The following SEPTIN10 variants were observed in gnomAD, a reference collection of about 807,000 sequenced individuals.
SEPTIN10 encodes septin 10.
In SEPTIN10, 66 loss-of-function variants were observed where a neutral mutation model predicts 54.8. The ratio of observed to expected loss-of-function variants is 1.21; its 90% CI spans 0.99 to 1.48. The LOEUF is 1.48. Ranked by LOEUF, SEPTIN10 falls within the 40% of genes most tolerant of loss-of-function variation. The probability of loss-of-function intolerance (pLI) is 0.00; values close to 1 mark genes in which losing one functional copy is unlikely to be tolerated. For synonymous variants in SEPTIN10, 161 were observed against 181.0 expected (o/e 0.89, Z 0.89); for missense variants, 620 against 545.6 (o/e 1.14, Z -1.36).
In SEPTIN10 at chr2:109,553,026, C is replaced by A. The variant is rs1452580034; in HGVS notation, c.1161+61G>T. ...TCTCAAGCAAATTCTTGGAATAAAT[C>A]CTCCAAATTAATAGGACATCTAAAA... On this transcript the variant is annotated intron_variant, in intron 9 of 10. Coordinates refer to ENST00000397712, the MANE Select transcript of SEPTIN10 (RefSeq NM_144710.5). 42 of 1,565,684 alleles carry A rather than the reference C, an allele frequency of 2.7e-5. No homozygotes were observed. In the East Asian group the frequency reaches 8.6e-4, roughly 32 times the overall value.
Position 109,574,735 on chromosome 2 carries a change from T to C in SEPTIN10, c.446A>G (p.Gln149Arg). The change falls in exon 5 of 11, where the codon CAG becomes CGG. Residue 149 changes from glutamine (Q) to arginine (R), a missense_variant. By Grantham distance (43) the Gln-to-Arg change is conservative. Transcript: ENST00000397712. Reference protein sequence around the residue: ...YQPIVDYIDAQFEAYLQEELK... With the variant: ...YQPIVDYIDARFEAYLQEELK... ...TTCTTCTTGGAGATAGGCCTCAAAC[T>C]GAGCATCTATGTAGTCAACTATTGG... 6.3e-7 allele frequency: 1 copy of C among 1,598,742 alleles called. No homozygotes were observed. Among genetic ancestry groups the C allele is most frequent in the Non-Finnish European group, 8.5e-7 (1 of 1,173,436 alleles).
At position 109,609,065 on chromosome 2, in the gene SEPTIN10, T is replaced by C. The variant is rs563981461; in HGVS notation, c.30+4733A>G. Among the ~76,000 whole-genome samples, 3 of 152,288 alleles carry C rather than the reference T, an allele frequency of 2.0e-5. No individual in the cohort carries two copies. In the South Asian group the frequency reaches 6.2e-4, roughly 32 times the overall value. On this transcript the variant is annotated intron_variant, in intron 1 of 10. Coordinates refer to ENST00000397712, the MANE Select transcript of SEPTIN10 (RefSeq NM_144710.5). ...AAAATATATCAATCAATCAATCAATTAATCCAAACATAACCTGGCACTATG... is the reference window on the plus strand; with the variant it reads ...AAAATATATCAATCAATCAATCAATCAATCCAAACATAACCTGGCACTATG...
At chr2:109,558,294 C>T (rs1684848765) in intron 8 of SEPTIN10, among the ~76,000 whole-genome samples, 1 of 152,124 alleles carries the variant, frequency 6.6e-6, no homozygotes, top group African/African-American at 2.4e-5. Flanking sequence ...TATAGACTAC[C>T]TGAAGAACTA....
At chr2:109,589,586 C>T (rs1693461938) in intron 2 of SEPTIN10, among the ~76,000 whole-genome samples, 3 of 151,842 alleles carry the variant, frequency 2.0e-5, no homozygotes, top group Admixed American at 2.0e-4. Flanking sequence ...TCCAATAAAA[C>T]AGCTAAAATT....
chr2:109,546,203 T>C lies in SEPTIN10; in HGVS notation c.1196A>G (p.His399Arg), dbSNP rs1307288737. 1 of 1,602,682 alleles carries C rather than the reference T, an allele frequency of 6.2e-7. No individual in the cohort carries two copies. Among genetic ancestry groups the C allele is most frequent in the South Asian group, 1.1e-5 (1 of 89,308 alleles). The change falls in exon 10 of 11, where the codon CAC (histidine) becomes CGC (arginine). Residue 399 changes from histidine to arginine, a missense_variant. His to Arg is a conservative substitution (Grantham distance 29, BLOSUM62 0). Transcript: ENST00000397712. The stretch of plus-strand genomic sequence containing the variant: ...TTCAAGCTTCATTCTCTCTTCTTGG[T>C]GAAGTCTCTTAAGGTGCTCAAATTT... Reference protein sequence around the residue: ...QAKFEHLKRLHQEERMKLEEK... With the variant: ...QAKFEHLKRLRQEERMKLEEK...
intron 1 of SEPTIN10, among the ~76,000 whole-genome samples, chr2:109,595,587 G>A (rs1695139959): frequency 6.6e-6 from 1 of 152,102 alleles, no homozygotes; most frequent in South Asian, 2.1e-4. Context: ...AGGAGTCAAA[G>A]AAGAAAATGA....
chr2:109,574,443 TAAAAAAAA>T (rs55980206), intron 5 of SEPTIN10, 130 bp downstream of exon 5: 3 of 271,402 alleles, frequency 1.1e-5, no homozygotes, highest in East Asian at 6.4e-5. Context: ...ACTTTATCTC[TAAAAAAAA>T]AAAAAAAAAA....
At chr2:109,592,443 C>T (rs1181332576) in intron 2 of SEPTIN10, among the ~76,000 whole-genome samples, 3 of 151,008 alleles carry the variant, frequency 2.0e-5, no homozygotes, top group Admixed American at 6.6e-5. Context: ...CCAGCCTGGG[C>T]GACAGAGCAA....
At chr2:109,550,126 A>G (rs1682511966) in intron 9 of SEPTIN10, among the ~76,000 whole-genome samples, 1 of 151,708 alleles carries the variant, frequency 6.6e-6, no homozygotes, top group African/African-American at 2.4e-5. Flanking sequence ...CCCCATCTCT[A>G]CTAAAAATAC....
chr2:109,570,897 CAT>C (rs1322873450), intron 5 of SEPTIN10, among the ~76,000 whole-genome samples: 3 of 152,122 alleles, frequency 2.0e-5, no homozygotes, highest in Non-Finnish European at 4.4e-5. Flanking sequence ...TATATACAGT[CAT>C]GTGTGGCTTA....
chr2:109,567,159 A>G (rs1272572287), intron 6 of SEPTIN10, among the ~76,000 whole-genome samples: 1 of 152,166 alleles, frequency 6.6e-6, no homozygotes, highest in African/African-American at 2.4e-5. Flanking sequence ...TATCCCTCAC[A>G]ACAACCCTTA....
chr2:109,569,739 C>T lies in SEPTIN10; in HGVS notation c.601-1763G>A, dbSNP rs539100766. 2.6e-5 allele frequency among the ~76,000 whole-genome samples: 4 copies of T among 152,140 alleles called. No homozygotes were observed. The South Asian group carries it at 8.3e-4, about 32-fold the overall frequency. ...CAAGTTAATAACTTATAATTGCTTG[C>T]ACAATAAACTGCAGTAGACTGAATA... is the stretch of plus-strand genomic sequence containing the variant. On this transcript the variant is annotated intron_variant, in intron 5 of 10. Coordinates refer to ENST00000397712, the MANE Select transcript of SEPTIN10 (RefSeq NM_144710.5).
chr2:109,562,754 G>C (rs983966088), intron 8 of SEPTIN10, among the ~76,000 whole-genome samples: 3 of 152,104 alleles, frequency 2.0e-5, no homozygotes, highest in Non-Finnish European at 2.9e-5. Context: ...TGAGAAGTGA[G>C]TCTCCTCTGA....
chr2:109,598,728 A>G (rs1695882458), intron 1 of SEPTIN10, among the ~76,000 whole-genome samples: 1 of 151,766 alleles, frequency 6.6e-6, no homozygotes, highest in Non-Finnish European at 1.5e-5. Context: ...CTGTAATCCC[A>G]GCTACTCAGG....
In SEPTIN10 at chr2:109,559,372, G is replaced by A. The variant is rs546472430; in HGVS notation, c.1028+4994C>T. ...GGTCTACTCTCTTAGGAAGACAATA[G>A]TGAGCCACTGCTCCCACTCACTCTG... On this transcript the variant is annotated intron_variant, in intron 8 of 10. Coordinates refer to ENST00000397712, the MANE Select transcript of SEPTIN10 (RefSeq NM_144710.5). Among the ~76,000 whole-genome samples, 9 of 152,274 alleles carry A rather than the reference G, an allele frequency of 5.9e-5. No homozygotes were observed. In the East Asian group the frequency reaches 1.7e-3, roughly 29 times the overall value.
At chr2:109,557,545 C>T (rs1477142104) in intron 8 of SEPTIN10, among the ~76,000 whole-genome samples, 2 of 152,182 alleles carry the variant, frequency 1.3e-5, no homozygotes, top group African/African-American at 4.8e-5. Context: ...AATCAGATTG[C>T]CCCAATGTGG....
intron 8 of SEPTIN10, among the ~76,000 whole-genome samples, chr2:109,557,825 T>C (rs1020548598): frequency 1.3e-5 from 2 of 151,646 alleles, no homozygotes; most frequent in Admixed American, 1.3e-4. Flanking sequence ...TTTTCTAGCA[T>C]AAAAGTAGCT....
intron 4 of SEPTIN10, among the ~76,000 whole-genome samples, chr2:109,584,819 C>T (rs887952171): frequency 6.6e-6 from 1 of 151,916 alleles, no homozygotes; most frequent in Non-Finnish European, 1.5e-5. Context: ...ATAAGCCCTG[C>T]CTGAAAATTA....
intron 2 of SEPTIN10, among the ~76,000 whole-genome samples, chr2:109,589,220 G>A (rs983352399): frequency 7.2e-5 from 11 of 152,016 alleles, no homozygotes; most frequent in East Asian, 3.9e-4. Flanking sequence ...TTGGCACACC[G>A]CAACCTCCAC....
Sources: gnomAD v4.1 joint callset for allele counts (sites outside exome capture counted in the v4.1 genomes callset) on GRCh38, gnomAD v4.1.1 for gene constraint, MANE v1.5 for transcripts, NCBI Gene and HGNC (gene_info 2026-07-23, HGNC 2026-07-21) for gene names.